The following BACH2 variants were observed in gnomAD, a reference collection of about 807,000 sequenced individuals.
BACH2 encodes the protein BACH transcriptional regulator 2.
BACH2 carries 5 observed loss-of-function variants against 61.8 expected under a neutral mutation model. The observed-to-expected ratio is 0.08, with a 90% CI of 0.04 to 0.17. The LOEUF (loss-of-function observed/expected upper bound fraction) is 0.17, where lower values mean the gene tolerates loss of function less well. BACH2 is among the 10% of genes least tolerant of loss of function. BACH2 has a pLI of 1.00. For synonymous variants in BACH2, 446 were observed against 440.1 expected (o/e 1.01, Z -0.17); for missense variants, 824 against 1,091.1 (o/e 0.76, Z 3.45).
At chr6:90,034,887 A>C (rs1323445831) in intron 5 of BACH2, among the ~76,000 whole-genome samples, 1 of 152,168 alleles carries the variant, frequency 6.6e-6, no homozygotes, top group East Asian at 1.9e-4. Flanking sequence ...TATATTATTT[A>C]ACTAGTCCTA....
At chr6:90,279,205 T>C (rs2127885586) in intron 1 of BACH2, among the ~76,000 whole-genome samples, 1 of 152,022 alleles carries the variant, frequency 6.6e-6, no homozygotes, top group Non-Finnish European at 1.5e-5. Flanking sequence ...TATGCAGTAA[T>C]CTTCCTAAAT....
intron 4 of BACH2, among the ~76,000 whole-genome samples, chr6:90,147,664 T>C (rs1337947182): frequency 2.0e-5 from 3 of 152,008 alleles, no homozygotes; most frequent in Non-Finnish European, 4.4e-5. Flanking sequence ...GATAGTCAAT[T>C]AGAAAAAAAA....
At chr6:90,078,328 C>G (rs903643493) in intron 5 of BACH2, among the ~76,000 whole-genome samples, 1 of 152,002 alleles carries the variant, frequency 6.6e-6, no homozygotes, top group East Asian at 1.9e-4. Flanking sequence ...AAATAAAAAA[C>G]AGGGAGAAGG....
At chr6:90,197,468 A>G (rs1477308327) in intron 4 of BACH2, among the ~76,000 whole-genome samples, 3 of 152,218 alleles carry the variant, frequency 2.0e-5, no homozygotes, top group Non-Finnish European at 4.4e-5. Flanking sequence ...GAATTCTCTT[A>G]ATTGTATCTA....
intron 4 of BACH2, 140 bp downstream of exon 4, chr6:90,206,429 G>A (rs1027155453): frequency 6.6e-6 from 1 of 152,334 alleles, no homozygotes; most frequent in Non-Finnish European, 1.5e-5. Context: ...CTGCTTGTGG[G>A]GGATCACACG....
At chr6:89,992,864 C>G (rs1465088740) in intron 6 of BACH2, among the ~76,000 whole-genome samples, 1 of 152,160 alleles carries the variant, frequency 6.6e-6, no homozygotes, top group African/African-American at 2.4e-5. Flanking sequence ...ATAAAGTTTA[C>G]TCTTTAACAC....
intron 6 of BACH2, among the ~76,000 whole-genome samples, chr6:90,003,828 G>A (rs1777262632): frequency 6.6e-6 from 1 of 152,170 alleles, no homozygotes; most frequent in Non-Finnish European, 1.5e-5. Context: ...TGAGGCCAAA[G>A]GGCAGGCTCT....
At chr6:90,120,238 G>A (rs1419409998) in intron 4 of BACH2, among the ~76,000 whole-genome samples, 1 of 152,164 alleles carries the variant, frequency 6.6e-6, no homozygotes, top group Admixed American at 6.5e-5. Flanking sequence ...ATAGGAAGAG[G>A]TCCATGATGG....
chr6:90,246,150 C>T (rs1770629950), intron 3 of BACH2, among the ~76,000 whole-genome samples: 1 of 152,124 alleles, frequency 6.6e-6, no homozygotes, highest in Non-Finnish European at 1.5e-5. Context: ...CAAAATTAAC[C>T]TAAATGCACA....
intron 4 of BACH2, among the ~76,000 whole-genome samples, chr6:90,127,843 A>C (rs1341144741): frequency 6.6e-6 from 1 of 152,214 alleles, no homozygotes; most frequent in Non-Finnish European, 1.5e-5. Flanking sequence ...TTGAAAAATG[A>C]AGACCGTTGA....
At chr6:90,133,648 G>C (rs923870242) in intron 4 of BACH2, among the ~76,000 whole-genome samples, 1 of 151,874 alleles carries the variant, frequency 6.6e-6, no homozygotes, top group African/African-American at 2.4e-5. Context: ...TGATTAAGTC[G>C]TCATTTAACA....
At chr6:90,290,277 C>A (rs1425537666) in intron 1 of BACH2, among the ~76,000 whole-genome samples, 3 of 152,226 alleles carry the variant, frequency 2.0e-5, no homozygotes, top group Admixed American at 6.5e-5. Flanking sequence ...CCATTAGACA[C>A]TCTGGTGTAT....
At chr6:90,229,824 A>C (rs1167721617) in intron 3 of BACH2, among the ~76,000 whole-genome samples, 11 of 152,210 alleles carry the variant, frequency 7.2e-5, no homozygotes, top group Non-Finnish European at 2.9e-5. Flanking sequence ...ATATGAGCCC[A>C]GATAACAACT....
intron 4 of BACH2, among the ~76,000 whole-genome samples, chr6:90,163,157 A>G (rs1259185107): frequency 1.3e-5 from 2 of 152,174 alleles, no homozygotes; most frequent in Non-Finnish European, 2.9e-5. Context: ...TTAAAAGAAA[A>G]TATCTCGTGG....
intron 4 of BACH2, among the ~76,000 whole-genome samples, chr6:90,105,930 T>C (rs750857515): frequency 6.6e-6 from 1 of 152,338 alleles, no homozygotes. Flanking sequence ...ACAGTTTTCT[T>C]AGAGTTAGTG....
intron 1 of BACH2, among the ~76,000 whole-genome samples, chr6:90,295,894 G>T (rs1001205599): frequency 1.3e-5 from 2 of 152,184 alleles, no homozygotes; most frequent in African/African-American, 4.8e-5. Flanking sequence ...CGCCGGTCGC[G>T]GTGGTCCGGG....
intron 3 of BACH2, among the ~76,000 whole-genome samples, chr6:90,249,588 T>C (rs1770741915): frequency 1.3e-5 from 2 of 151,968 alleles, no homozygotes; most frequent in East Asian, 1.9e-4. Context: ...CTGAGCAACA[T>C]GGTGAGACTC....
At chr6:90,049,863 G>A (rs921573938) in intron 5 of BACH2, among the ~76,000 whole-genome samples, 4 of 152,132 alleles carry the variant, frequency 2.6e-5, no homozygotes, top group African/African-American at 4.8e-5. Flanking sequence ...GGGATTCAGC[G>A]GCAAGCTGCA....
At chr6:90,056,976 T>C (rs1185343434) in intron 5 of BACH2, among the ~76,000 whole-genome samples, 4 of 152,146 alleles carry the variant, frequency 2.6e-5, no homozygotes, top group Non-Finnish European at 4.4e-5. Flanking sequence ...CAAAGCAGTG[T>C]GTAGAGGGAA....
Sources: allele counts gnomAD v4.1 joint callset (sites outside exome capture counted in the v4.1 genomes callset), GRCh38; gene constraint gnomAD v4.1.1; transcripts MANE v1.5; gene names NCBI Gene and HGNC (gene_info 2026-07-23, HGNC 2026-07-21).